WDR70: variants seen among roughly 807,000 people sequenced by gnomAD.
WDR70 encodes WD repeat domain 70, also known as WD repeat-containing protein 70.
WDR70 carries 53 observed loss-of-function variants against 88.6 expected under a neutral mutation model. That is an observed-to-expected ratio of 0.60 (90% CI 0.48 to 0.75). WDR70 has a LOEUF of 0.75. Among genes scored for constraint, WDR70 ranks in the 30% least tolerant of loss-of-function variants. The probability of loss-of-function intolerance (pLI) is 0.00; values close to 1 mark genes in which losing one functional copy is unlikely to be tolerated. For missense variants in WDR70, 610 were observed against 823.2 expected (o/e 0.74, Z 3.17); for synonymous variants, 280 against 270.0 (o/e 1.04, Z -0.36).
intron 5 of WDR70, among the ~76,000 whole-genome samples, chr5:37,421,789 G>A (rs1367707490): frequency 6.6e-6 from 1 of 151,880 alleles, no homozygotes; most frequent in African/African-American, 2.4e-5. Context: ...CATGAGAATG[G>A]GGTATACATG....
At chr5:37,669,791 G>C (rs1263758155) in intron 10 of WDR70, among the ~76,000 whole-genome samples, 1 of 152,134 alleles carries the variant, frequency 6.6e-6, no homozygotes, top group Non-Finnish European at 1.5e-5. Flanking sequence ...GCTGATGAAT[G>C]GATAAATAAA....
At chr5:37,532,632 A>G (rs935281251) in intron 9 of WDR70, among the ~76,000 whole-genome samples, 1 of 151,952 alleles carries the variant, frequency 6.6e-6, no homozygotes, top group Non-Finnish European at 1.5e-5. Context: ...TGCTTATGCT[A>G]TCTATTTCAC....
chr5:37,603,858 A>ATG (rs1743957533), intron 9 of WDR70, among the ~76,000 whole-genome samples: 1 of 151,786 alleles, frequency 6.6e-6, no homozygotes, highest in African/African-American at 2.4e-5. Flanking sequence ...CATCTTTAGC[A>ATG]TATCAAATTC....
intron 10 of WDR70, among the ~76,000 whole-genome samples, chr5:37,694,840 T>TATAATA (rs34298664): frequency 0.077 from 11,525 of 149,708 alleles, 465 homozygotes; most frequent in South Asian, 0.12. Flanking sequence ...TAACTTAAAG[T>TATAATA]ATAATAATAA....
chr5:37,443,367 T>C lies in WDR70; in HGVS notation c.681T>C (p.Cys227=), dbSNP rs564753208. ...SFKAFRSLQP[C]ECHQIKSLQY... is the part of the protein sequence containing the mutation. Reference sequence around the variant, plus strand: ...AGGCATTTCGATCCCTTCAGCCCTGTGAGTGGTATGTATTCACTTACTTAA... The same window carrying C: ...AGGCATTTCGATCCCTTCAGCCCTGCGAGTGGTATGTATTCACTTACTTAA... The change falls in exon 7 of 18, where the codon TGT becomes TGC. Residue 227 remains cysteine (C), a synonymous_variant. Coordinates refer to ENST00000265107, the MANE Select transcript of WDR70 (RefSeq NM_018034.4). 6.2e-7 allele frequency: 1 copy of C among 1,613,766 alleles called. No homozygotes were observed. The highest frequency in any genetic ancestry group is 2.2e-5 in the East Asian group (1 of 44,876).
intron 8 of WDR70, among the ~76,000 whole-genome samples, chr5:37,483,756 G>A (rs11745852): frequency 0.26 from 38,749 of 149,448 alleles, 5,547 homozygotes; most frequent in East Asian, 0.48. Flanking sequence ...CGGACGGGGC[G>A]GCTGGCCGGG....
At chr5:37,398,238 G>T (rs1034114172) in intron 5 of WDR70, among the ~76,000 whole-genome samples, 1 of 151,594 alleles carries the variant, frequency 6.6e-6, no homozygotes, top group Non-Finnish European at 1.5e-5. Context: ...ACAGGCACCC[G>T]CCACCACGCC....
At chr5:37,728,356 A>AAAC (rs1331090826) in intron 17 of WDR70, among the ~76,000 whole-genome samples, 2 of 55,620 alleles carry the variant, frequency 3.6e-5, no homozygotes, top group African/African-American at 1.2e-4. Flanking sequence ...TCCAAAAAAA[A>AAAC]AAAAAAACAA....
At chr5:37,475,709 T>G (rs556615877) in intron 7 of WDR70, among the ~76,000 whole-genome samples, 1 of 152,334 alleles carries the variant, frequency 6.6e-6, no homozygotes, top group South Asian at 2.1e-4. Flanking sequence ...AAACTTTGTC[T>G]TTTAATTATA....
At chr5:37,594,540 A>C (rs927602456) in intron 9 of WDR70, among the ~76,000 whole-genome samples, 25 of 152,264 alleles carry the variant, frequency 1.6e-4, no homozygotes, top group African/African-American at 5.1e-4. Flanking sequence ...TGTTTTGGTT[A>C]CTGTAGCCTT....
At chr5:37,551,773 T>G (rs1427070291) in intron 9 of WDR70, among the ~76,000 whole-genome samples, 2 of 141,356 alleles carry the variant, frequency 1.4e-5, no homozygotes, top group African/African-American at 2.6e-5. Flanking sequence ...GTTTAGTTTT[T>G]TTTTTTTTTT....
intron 10 of WDR70, among the ~76,000 whole-genome samples, chr5:37,696,175 C>G (rs1746975099): frequency 6.6e-6 from 1 of 152,130 alleles, no homozygotes. Flanking sequence ...GTCTGCCATA[C>G]ATACAGTTGA....
intron 8 of WDR70, among the ~76,000 whole-genome samples, chr5:37,507,874 T>A (rs941241563): frequency 6.6e-5 from 10 of 152,206 alleles, no homozygotes; most frequent in African/African-American, 2.4e-4. Flanking sequence ...GTTGTTTTTT[T>A]ATAGAGTCCT....
intron 9 of WDR70, among the ~76,000 whole-genome samples, chr5:37,585,716 A>G (rs665279): frequency 0.03 from 4,638 of 152,216 alleles, 246 homozygotes; most frequent in African/African-American, 0.11. Context: ...CCCATACTGT[A>G]TAGCCATGGG....
intron 7 of WDR70, among the ~76,000 whole-genome samples, chr5:37,446,667 C>T (rs571935819): frequency 0.015 from 2,331 of 152,226 alleles, 53 homozygotes; most frequent in African/African-American, 0.053. Context: ...TTTGACAAAT[C>T]TGACAAAAAC....
chr5:37,456,419 GTTCTT>G (rs1278518125), intron 7 of WDR70, among the ~76,000 whole-genome samples: 1 of 152,100 alleles, frequency 6.6e-6, no homozygotes, highest in Non-Finnish European at 1.5e-5. Flanking sequence ...TAAGAACTGG[GTTCTT>G]TTCTTGGATT....
rs552734481 is a variant in WDR70 at position 37,711,380 on chromosome 5, C to T, written c.1416+8293C>T. Among the ~76,000 whole-genome samples, 12 of 152,300 alleles carry T rather than the reference C, an allele frequency of 7.9e-5. No individual in the cohort carries two copies. In the South Asian group the frequency reaches 1.2e-3, roughly 16 times the overall value. Reference sequence around the variant, plus strand: ...TCTCCTGTATAAAAATTAGACTTAACAGATTTTACAACTTCCCTAAAGAGT... The same window carrying T: ...TCTCCTGTATAAAAATTAGACTTAATAGATTTTACAACTTCCCTAAAGAGT... On this transcript the variant is annotated intron_variant, in intron 13 of 17. Coordinates refer to ENST00000265107, the MANE Select transcript of WDR70 (RefSeq NM_018034.4).
rs538676240 is a variant in WDR70, at chr5:37,661,827, A to G, written c.1093-35828A>G. On this transcript the variant is annotated intron_variant, in intron 10 of 17. Transcript: ENST00000265107. Reference sequence around the variant, plus strand: ...AGGTTTTGCAATAGTGATGTTATTCATAGTAATTAATAGTGATTTTATCCC... The same window carrying G: ...AGGTTTTGCAATAGTGATGTTATTCGTAGTAATTAATAGTGATTTTATCCC... 3.9e-5 allele frequency among the ~76,000 whole-genome samples: 6 copies of G among 152,320 alleles called. No individual in the cohort carries two copies. In the South Asian group the frequency reaches 1.2e-3, roughly 32 times the overall value.
chr5:37,492,962 A>G (rs985415791), intron 8 of WDR70, among the ~76,000 whole-genome samples: 1 of 152,220 alleles, frequency 6.6e-6, no homozygotes, highest in African/African-American at 2.4e-5. Flanking sequence ...CTTCCAAGAA[A>G]TTAAGGGCGT....
Sources: allele counts gnomAD v4.1 joint callset (sites outside exome capture counted in the v4.1 genomes callset), GRCh38; gene constraint gnomAD v4.1.1; transcripts MANE v1.5; gene names NCBI Gene and HGNC (gene_info 2026-07-23, HGNC 2026-07-21).